LARS2: variants seen among roughly 807,000 people sequenced by gnomAD.
LARS2 encodes the protein leucyl-tRNA synthetase 2, mitochondrial.
Under a neutral mutation model 116.6 loss-of-function variants are expected in LARS2, and 81 were observed. The observed-to-expected ratio is 0.69, with a 90% CI of 0.58 to 0.84. The LOEUF is 0.84. Among genes scored for constraint, LARS2 ranks in the 40% least tolerant of loss-of-function variants. The pLI, the probability that LARS2 is intolerant of heterozygous loss-of-function variation, is 0.00. For synonymous variants in LARS2, 396 were observed against 407.2 expected, an observed-to-expected ratio of 0.97 and a Z score of 0.33; for missense variants, 968 against 1,114.5, an observed-to-expected ratio of 0.87 and a Z score of 1.87.
intron 6 of LARS2, among the ~76,000 whole-genome samples, chr3:45,437,847 A>G (rs1241752424): frequency 1.1e-5 from 1 of 87,810 alleles, no homozygotes; most frequent in Non-Finnish European, 2.7e-5. Flanking sequence ...CGGTGGGGAG[A>G]AAAAGACAAA....
chr3:45,445,739 C>CA (rs1699008279), intron 6 of LARS2, among the ~76,000 whole-genome samples: 1 of 152,058 alleles, frequency 6.6e-6, no homozygotes, highest in Non-Finnish European at 1.5e-5. Flanking sequence ...TAAAACAGCA[C>CA]AAAAAAGGAC....
Position 45,394,614 on chromosome 3 carries a change from A to T in LARS2, c.161A>T (p.Gln54Leu), listed in dbSNP as rs1316752362. ...AAGTGGACAAAAGAGTATACATTGC[A>T]GACAAGAAAGGATGTTGAGAAATGG... ...TGKWTKEYTL[Q>L]TRKDVEKWWH... Residue 54 changes from glutamine to leucine, a missense_variant, in exon 3 of 22, where the codon CAG (glutamine) becomes CTG (leucine). Physicochemically the swap from Gln to Leu is moderately radical, Grantham distance 113. Transcript: ENST00000645846. 6.2e-7 allele frequency: 1 copy of T among 1,614,238 alleles called. No homozygotes were observed. Among genetic ancestry groups the T allele is most frequent in the East Asian group, 2.2e-5 (1 of 44,890 alleles).
At chr3:45,433,026 A>G (rs1698743971) in intron 6 of LARS2, among the ~76,000 whole-genome samples, 1 of 151,988 alleles carries the variant, frequency 6.6e-6, no homozygotes, top group Non-Finnish European at 1.5e-5. Flanking sequence ...TGTACTTTAT[A>G]ATATGTTAAT....
rs570998838 is a variant in LARS2 at position 45,538,214 on chromosome 3, G to A, written c.2405-3615G>A. Reference sequence around the variant, plus strand: ...CCCATCTATATGGAAATGTTGGCAGGGGCCCAGGCTACTATAAATAAGCAT... The same window carrying A: ...CCCATCTATATGGAAATGTTGGCAGAGGCCCAGGCTACTATAAATAAGCAT... On this transcript the variant is annotated intron_variant, in intron 20 of 21. Transcript: ENST00000645846. 3 of 152,352 alleles carry A rather than the reference G, an allele frequency of 2.0e-5. 1 individual carries two copies. The South Asian group carries it at 6.2e-4, about 32-fold the overall frequency. The allele number at this position is 152,352 out of a possible 1,614,324, so 9.4% of individuals were successfully genotyped here.
chr3:45,466,036 A>G (rs1699419280), intron 8 of LARS2, among the ~76,000 whole-genome samples: 2 of 152,254 alleles, frequency 1.3e-5, no homozygotes, highest in Non-Finnish European at 2.9e-5. Flanking sequence ...TTTGTTTCCA[A>G]GATGGAATGA....
intron 7 of LARS2, among the ~76,000 whole-genome samples, chr3:45,458,311 C>A (rs1449733804): frequency 2.0e-5 from 3 of 152,130 alleles, no homozygotes; most frequent in Non-Finnish European, 4.4e-5. Flanking sequence ...CAAGTGGTTT[C>A]TTTACCAAGC....
At chr3:45,516,852 G>T (rs1339040358) in intron 17 of LARS2, among the ~76,000 whole-genome samples, 1 of 152,094 alleles carries the variant, frequency 6.6e-6, no homozygotes, top group Admixed American at 6.5e-5. Context: ...TGTCTCTCCA[G>T]AGTTGTTTAG....
At chr3:45,400,109 A>G (rs1348672407) in intron 3 of LARS2, 136 bp from the exon 4 acceptor site, 2 of 835,744 alleles carry the variant, frequency 2.4e-6, no homozygotes, top group Non-Finnish European at 1.8e-6. Context: ...ATTGATTTAC[A>G]TTCTGGGAAC....
At chr3:45,433,942 CT>C (rs1698761897) in intron 6 of LARS2, among the ~76,000 whole-genome samples, 1 of 152,150 alleles carries the variant, frequency 6.6e-6, no homozygotes, top group African/African-American at 2.4e-5. Flanking sequence ...TCTGTGGTTT[CT>C]GATAAATCTG....
rs116591100 is a variant in LARS2 at position 45,419,075 on chromosome 3, G to A, written c.456-594G>A. Among the ~76,000 whole-genome samples the A allele has an allele frequency of 4.1e-3, 624 of 152,312 alleles. 5 individuals carry two copies. Among genetic ancestry groups the A allele is most frequent in the Non-Finnish European group, 6.2e-3 (423 of 68,028 alleles). ...CTGCTAGAATCTAAAAGAGGATGCA[G>A]TAGAAATGAATTAGTCCTTTTTCTT... On this transcript the variant is annotated intron_variant, in intron 5 of 21. Coordinates refer to ENST00000645846, the MANE Select transcript of LARS2 (RefSeq NM_015340.4).
At chr3:45,542,975 C>T (rs1166017668) in intron 21 of LARS2, among the ~76,000 whole-genome samples, 4 of 152,256 alleles carry the variant, frequency 2.6e-5, no homozygotes, top group Non-Finnish European at 5.9e-5. Flanking sequence ...GAGGGCATAA[C>T]CCCACAGAGG....
intron 9 of LARS2, 58 bp from the exon 10 acceptor site, chr3:45,476,410 G>A: frequency 3.8e-6 from 6 of 1,572,786 alleles, no homozygotes; most frequent in Non-Finnish European, 5.2e-6. Flanking sequence ...CAGTTAGGGA[G>A]CAACACAGCC....
chr3:45,527,377 C>T (rs1386925279), intron 20 of LARS2, among the ~76,000 whole-genome samples: 3 of 152,140 alleles, frequency 2.0e-5, no homozygotes, highest in African/African-American at 4.8e-5. Flanking sequence ...GTAATCCCAA[C>T]ACTTTGGGAG....
At chr3:45,483,648 CAAAAA>C (rs879615671) in intron 10 of LARS2, among the ~76,000 whole-genome samples, 4 of 149,178 alleles carry the variant, frequency 2.7e-5, no homozygotes, top group Non-Finnish European at 4.5e-5. Flanking sequence ...GACCCTGTCT[CAAAAA>C]AAAAGAAAAG....
In LARS2 at chr3:45,501,874, G is replaced by A. The variant is rs546052653; in HGVS notation, c.1760+1295G>A. On this transcript the variant is annotated intron_variant, in intron 15 of 21. Coordinates refer to ENST00000645846, the MANE Select transcript of LARS2 (RefSeq NM_015340.4). ...ACTTTTAAATTTCACCAAACCAGTG[G>A]GTATATAATGGGTCACGTTGTGAGT... 1.2e-4 allele frequency among the ~76,000 whole-genome samples: 18 copies of A among 152,056 alleles called. No individual in the cohort carries two copies. In the East Asian group the frequency reaches 3.5e-3, roughly 29 times the overall value.
rs1559500028 is a variant in LARS2 at position 45,534,357 on chromosome 3, G to A, written c.2405-7472G>A. 3.3e-5 allele frequency among the ~76,000 whole-genome samples: 5 copies of A among 152,148 alleles called. No individual in the cohort carries two copies. In the South Asian group the frequency reaches 1.0e-3, roughly 32 times the overall value. On this transcript the variant is annotated intron_variant, in intron 20 of 21. Transcript: ENST00000645846. ...CTGAGGAGGGTTAATGTAACAGAGT[G>A]TTGAAAGTCCTTTGCAGACAGAAGC...
intron 18 of LARS2, among the ~76,000 whole-genome samples, chr3:45,519,352 G>A (rs6766379): frequency 0.75 from 113,754 of 150,820 alleles, 46,240 homozygotes; most frequent in East Asian, 0.98. Context: ...TTAGCCTGGC[G>A]TGGTGGCACG....
intron 6 of LARS2, among the ~76,000 whole-genome samples, chr3:45,437,391 A>G (rs1275577367): frequency 2.6e-5 from 4 of 152,238 alleles, no homozygotes; most frequent in Admixed American, 1.3e-4. Flanking sequence ...TTACCCTGAT[A>G]TTAACACCTG....
chr3:45,439,438 C>T (rs924056339), intron 6 of LARS2, among the ~76,000 whole-genome samples: 12 of 151,906 alleles, frequency 7.9e-5, no homozygotes, highest in African/African-American at 2.7e-4. Flanking sequence ...CCAGGCTGTT[C>T]TTGAACTCCT....
Sources: allele counts gnomAD v4.1 joint callset (sites outside exome capture counted in the v4.1 genomes callset), GRCh38; gene constraint gnomAD v4.1.1; transcripts MANE v1.5; gene names NCBI Gene and HGNC (gene_info 2026-07-23, HGNC 2026-07-21).